The following NLN variants were observed in gnomAD, a reference collection of about 807,000 sequenced individuals.
NLN encodes neurolysin, also known as neurolysin, mitochondrial.
NLN carries 64 observed loss-of-function variants against 79.9 expected under a neutral mutation model. The ratio of observed to expected loss-of-function variants is 0.80; its 90% CI spans 0.65 to 0.99. The LOEUF (loss-of-function observed/expected upper bound fraction) is 0.99. Ranked by LOEUF, NLN falls within the 50% of genes least tolerant of loss-of-function variation. NLN has a pLI of 0.00. For missense variants in NLN, 835 were observed against 858.7 expected (o/e 0.97, Z 0.34); for synonymous variants, 267 against 296.6 (o/e 0.90, Z 1.02).
At chr5:65,730,682 G>A (rs1014216060) in intron 1 of NLN, among the ~76,000 whole-genome samples, 1 of 152,020 alleles carries the variant, frequency 6.6e-6, no homozygotes, top group African/African-American at 2.4e-5. Flanking sequence ...TCAGCCTCCT[G>A]AGTAGCTGGG....
At chr5:65,737,989 G>T (rs143553043) in intron 1 of NLN, among the ~76,000 whole-genome samples, 3 of 152,098 alleles carry the variant, frequency 2.0e-5, no homozygotes, top group African/African-American at 7.2e-5. Context: ...AAATTAGGGC[G>T]TGGTAGCATG....
chr5:65,812,981 A>G (rs1760587318), intron 12 of NLN, among the ~76,000 whole-genome samples: 1 of 152,216 alleles, frequency 6.6e-6, no homozygotes, highest in Non-Finnish European at 1.5e-5. Context: ...CTCCATTCTC[A>G]TTGAAGTCTC....
In NLN at chr5:65,750,860, A is replaced by C. The variant is rs144242064; in HGVS notation, c.42-7707A>C. Reference sequence around the variant, plus strand: ...GTGTAGCTGGGATTTGGCATTGTAGAAATCAGAAATAAAGGAGTCCTATAT... The same window carrying C: ...GTGTAGCTGGGATTTGGCATTGTAGCAATCAGAAATAAAGGAGTCCTATAT... On this transcript the variant is annotated intron_variant, in intron 1 of 12. Transcript: ENST00000380985. Among the ~76,000 whole-genome samples the C allele has an allele frequency of 1.5e-3, 236 of 152,334 alleles. 1 individual carries two copies. The highest frequency in any genetic ancestry group is 6.8e-3 in the Middle Eastern group (2 of 294).
At chr5:65,814,083 A>G (rs1330612516) in intron 12 of NLN, among the ~76,000 whole-genome samples, 1 of 152,104 alleles carries the variant, frequency 6.6e-6, no homozygotes, top group African/African-American at 2.4e-5. Context: ...AAAACTTGCT[A>G]CTGACTCTGA....
intron 1 of NLN, chr5:65,740,813 T>TTATATA (rs148113155): frequency 6.9e-6 from 1 of 144,690 alleles, no homozygotes; most frequent in African/African-American, 2.5e-5. Context: ...TATAGCTTTG[T>TTATATA]TATATATATA....
chr5:65,725,828 A>G (rs548135721), intron 1 of NLN, among the ~76,000 whole-genome samples: 43 of 152,216 alleles, frequency 2.8e-4, no homozygotes, highest in Non-Finnish European at 4.0e-4. Context: ...ATGGTGTTCC[A>G]TGGGCTGGGC....
intron 2 of NLN, among the ~76,000 whole-genome samples, chr5:65,762,717 T>A (rs542838721): frequency 2.1e-4 from 31 of 144,654 alleles, no homozygotes; most frequent in African/African-American, 7.2e-4. Flanking sequence ...AAAAAAAAAA[T>A]TGTACCCCAG....
intron 6 of NLN, among the ~76,000 whole-genome samples, chr5:65,784,273 TA>T (rs1759866593): frequency 6.6e-6 from 1 of 151,646 alleles, no homozygotes; most frequent in Admixed American, 6.6e-5. Context: ...GCTAAGAAAA[TA>T]ATAAAATAAT....
rs1424054103 is a variant in NLN at position 65,785,871 on chromosome 5, A to AAC, written c.922_923dup (p.Ala309LeufsTer8). 1 of 1,613,790 alleles carries AAC rather than the reference A, an allele frequency of 6.2e-7. No homozygotes were observed. Among genetic ancestry groups the AAC allele is most frequent in the Non-Finnish European group, 8.5e-7 (1 of 1,179,852 alleles). On this transcript the variant is annotated frameshift_variant, in exon 7 of 13. Transcript: ENST00000380985. LOFTEE classifies it high-confidence loss of function. ...ACATGCTGACTTCGTCCTTGAAATGAACACTGCAAAGAGCACAAGCCGCGT... is the reference window on the plus strand; with the variant it reads ...ACATGCTGACTTCGTCCTTGAAATGAACACACTGCAAAGAGCACAAGCCGCGT...
At chr5:65,815,220 C>A (rs2150776519) in intron 12 of NLN, among the ~76,000 whole-genome samples, 1 of 152,280 alleles carries the variant, frequency 6.6e-6, no homozygotes, top group Middle Eastern at 3.4e-3. Flanking sequence ...TACCCAGAAC[C>A]CTCTATCATT....
chr5:65,802,642 A>C (rs568228042), intron 9 of NLN, among the ~76,000 whole-genome samples: 1 of 152,330 alleles, frequency 6.6e-6, no homozygotes, highest in South Asian at 2.1e-4. Flanking sequence ...CCCAGGAAGA[A>C]GGAGGTATAC....
intron 6 of NLN, among the ~76,000 whole-genome samples, chr5:65,782,583 C>T (rs1474205485): frequency 6.6e-6 from 1 of 152,200 alleles, no homozygotes; most frequent in African/African-American, 2.4e-5. Context: ...AGGAAGGCAG[C>T]ATTCTCAAAT....
chr5:65,782,486 T>C lies in NLN; in HGVS notation c.822+1065T>C, dbSNP rs528664297. Among the ~76,000 whole-genome samples, 14 of 152,342 alleles carry C rather than the reference T, an allele frequency of 9.2e-5. No homozygotes were observed. The South Asian group carries it at 2.9e-3, about 32-fold the overall frequency. ...TAGTTCTTAAACTTGCCAAATCTTA[T>C]ATACTGTCTTCTGAATTTATCCATC... On this transcript the variant is annotated intron_variant, in intron 6 of 12. Transcript: ENST00000380985.
intron 6 of NLN, among the ~76,000 whole-genome samples, chr5:65,783,584 G>A (rs6879717): frequency 0.12 from 18,999 of 152,024 alleles, 2,754 homozygotes; most frequent in African/African-American, 0.36. Flanking sequence ...GTTCAGCCAG[G>A]CACAGTGGCT....
intron 12 of NLN, among the ~76,000 whole-genome samples, chr5:65,821,682 G>A (rs1760802403): frequency 6.6e-6 from 1 of 152,126 alleles, no homozygotes; most frequent in South Asian, 2.1e-4. Flanking sequence ...ATTTACTCCT[G>A]ATTAGAGTCC....
chr5:65,729,252 G>C (rs1010187277), intron 1 of NLN, among the ~76,000 whole-genome samples: 3 of 151,588 alleles, frequency 2.0e-5, no homozygotes, highest in African/African-American at 7.3e-5. Context: ...AAAATGTTAA[G>C]AGAACAGTAT....
chr5:65,803,255 C>T (rs559691683), intron 9 of NLN, among the ~76,000 whole-genome samples: 5 of 152,322 alleles, frequency 3.3e-5, no homozygotes, highest in Admixed American at 1.3e-4. Flanking sequence ...AGGAACCTGT[C>T]TGCCTGCTAC....
rs1579959669 is a variant in NLN, at chr5:65,798,989, C to T, written c.1527+6334C>T. ...TCCACCTCTCCAGGCTCAGTTGATC[C>T]TCCCACCTCAGCTTCCTAAGTAGCT... On this transcript the variant is annotated intron_variant, in intron 9 of 12. Transcript: ENST00000380985. Among the ~76,000 whole-genome samples the T allele has an allele frequency of 2.6e-5, 4 of 152,260 alleles. No homozygotes were observed. In the East Asian group the frequency reaches 7.7e-4, roughly 29 times the overall value.
At position 65,785,895 on chromosome 5, in the gene NLN, G is replaced by A. The variant is rs151303282; in HGVS notation, c.943G>A (p.Val315Ile). The part of the protein sequence containing the change: ...EMNTAKSTSR[V>I]TAFLDDLSQK... ...GAACACTGCAAAGAGCACAAGCCGC[G>A]TAACAGCCTTTCTAGGTTAGTTCTT... Residue 315 changes from valine to isoleucine, a missense_variant, in exon 7 of 13, where the codon GTA becomes ATA. Transcript: ENST00000380985. 6.7e-4 allele frequency: 1,075 copies of A among 1,611,498 alleles called. 7 individuals carry two copies. The African/African-American group carries it at 0.011, about 17-fold the overall frequency.
Sources: allele counts gnomAD v4.1 joint callset (sites outside exome capture counted in the v4.1 genomes callset), GRCh38; gene constraint gnomAD v4.1.1; transcripts MANE v1.5; gene names NCBI Gene and HGNC (gene_info 2026-07-23, HGNC 2026-07-21).